The following LDLRAD4 variants were observed in gnomAD, a reference collection of about 807,000 sequenced individuals.
The protein encoded by LDLRAD4 is low density lipoprotein receptor class A domain containing 4.
In LDLRAD4, 5 loss-of-function variants were observed where a neutral mutation model predicts 17.0. That is an observed-to-expected ratio of 0.29 (90% CI 0.15 to 0.62). The LOEUF (loss-of-function observed/expected upper bound fraction) is 0.62, where lower values mean the gene tolerates loss of function less well. LDLRAD4 is among the 20% of genes least tolerant of loss of function. LDLRAD4 has a pLI of 0.84. For missense variants in LDLRAD4, 340 were observed against 424.7 expected, an observed-to-expected ratio of 0.80 and a Z score of 1.75; for synonymous variants, 168 against 171.8, an observed-to-expected ratio of 0.98 and a Z score of 0.17.
chr18:13,270,598 T>C (rs547511288), intron 1 of LDLRAD4, among the ~76,000 whole-genome samples: 1 of 152,304 alleles, frequency 6.6e-6, no homozygotes, highest in South Asian at 2.1e-4. Flanking sequence ...ATTTGCAAAG[T>C]TTATGCGTAG....
chr18:13,294,347 G>T (rs571876060), intron 1 of LDLRAD4, among the ~76,000 whole-genome samples: 1 of 152,316 alleles, frequency 6.6e-6, no homozygotes, highest in African/African-American at 2.4e-5. Context: ...GTGCGGAAGC[G>T]TTGACCAAGA....
At chr18:13,262,498 G>T (rs1302063362) in intron 1 of LDLRAD4, among the ~76,000 whole-genome samples, 2 of 131,380 alleles carry the variant, frequency 1.5e-5, no homozygotes, top group African/African-American at 6.2e-5. Context: ...CCCTGTGCGT[G>T]GAAACTGAGT....
intron 3 of LDLRAD4, among the ~76,000 whole-genome samples, chr18:13,578,800 A>G (rs1029973343): frequency 2.3e-4 from 31 of 135,826 alleles, no homozygotes; most frequent in African/African-American, 6.4e-4. Flanking sequence ...ATGAAAGTAC[A>G]GTGACCCATT....
intron 1 of LDLRAD4, among the ~76,000 whole-genome samples, chr18:13,319,359 A>C (rs1306510724): frequency 2.6e-5 from 4 of 151,588 alleles, no homozygotes; most frequent in African/African-American, 9.7e-5. Context: ...TGCGTGAGCC[A>C]GCTCGCTCCT....
intron 2 of LDLRAD4, among the ~76,000 whole-genome samples, chr18:13,389,348 G>A (rs1385951384): frequency 6.6e-6 from 1 of 150,714 alleles, no homozygotes; most frequent in East Asian, 2.0e-4. Flanking sequence ...CCAGTCAGGG[G>A]TGGGCAGCTC....
intron 2 of LDLRAD4, among the ~76,000 whole-genome samples, chr18:13,393,556 G>T (rs2086435701): frequency 6.6e-6 from 1 of 152,196 alleles, no homozygotes; most frequent in Admixed American, 6.5e-5. Context: ...GGCTGCTTCT[G>T]TTGAGCAAAT....
chr18:13,229,909 C>T (rs765267820), intron 1 of LDLRAD4, among the ~76,000 whole-genome samples: 2 of 152,236 alleles, frequency 1.3e-5, no homozygotes, highest in Non-Finnish European at 2.9e-5. Flanking sequence ...TCCTGGCTTC[C>T]TGAGGGCTCA....
intron 2 of LDLRAD4, among the ~76,000 whole-genome samples, chr18:13,404,177 G>A (rs2087495247): frequency 6.6e-6 from 1 of 152,232 alleles, no homozygotes; most frequent in African/African-American, 2.4e-5. Context: ...GCGCCCTGGA[G>A]GATGGAACCC....
At position 13,324,230 on chromosome 18, in the gene LDLRAD4, C is replaced by T. The variant is rs1466849397; in HGVS notation, c.-383+46042C>T. 1.3e-4 allele frequency among the ~76,000 whole-genome samples: 19 copies of T among 150,852 alleles called. No individual in the cohort carries two copies. In the South Asian group the frequency reaches 2.8e-3, roughly 22 times the overall value. ...TCGGCTCACTGCAAGCTCCGCCTCC[C>T]GGGTTCACACCATTCTCCTGCCTCA... On this transcript the variant is annotated intron_variant, in intron 1 of 5. Transcript: ENST00000359446.
chr18:13,270,231 C>T (rs890137182), intron 1 of LDLRAD4, among the ~76,000 whole-genome samples: 3 of 151,966 alleles, frequency 2.0e-5, no homozygotes, highest in African/African-American at 7.2e-5. Flanking sequence ...GGCCTGGTGG[C>T]GTGCCTACCT....
intron 3 of LDLRAD4, among the ~76,000 whole-genome samples, chr18:13,553,766 T>C (rs1402567412): frequency 1.3e-5 from 2 of 152,232 alleles, no homozygotes; most frequent in African/African-American, 4.8e-5. Context: ...TGGCACCCTA[T>C]GTTGTGCTGT....
At chr18:13,378,343 C>T (rs1455706946) in intron 1 of LDLRAD4, among the ~76,000 whole-genome samples, 4 of 152,132 alleles carry the variant, frequency 2.6e-5, no homozygotes, top group Non-Finnish European at 4.4e-5. Context: ...GGCATGGGAG[C>T]ACCCTACTTG....
chr18:13,484,836 A>G (rs2147001588), intron 3 of LDLRAD4, among the ~76,000 whole-genome samples: 1 of 152,298 alleles, frequency 6.6e-6, no homozygotes, highest in South Asian at 2.1e-4. Flanking sequence ...GGGTAGATTT[A>G]AATATCCCTG....
intron 1 of LDLRAD4, among the ~76,000 whole-genome samples, chr18:13,283,967 C>T (rs1297305288): frequency 6.6e-6 from 1 of 152,106 alleles, no homozygotes; most frequent in Non-Finnish European, 1.5e-5. Context: ...TATCAGATCT[C>T]GTGAGACTAA....
intron 4 of LDLRAD4, among the ~76,000 whole-genome samples, chr18:13,639,889 A>C (rs1040654598): frequency 2.0e-5 from 3 of 152,242 alleles, no homozygotes; most frequent in Non-Finnish European, 2.9e-5. Flanking sequence ...GAAAGTGCTT[A>C]TGTTATACTC....
intron 3 of LDLRAD4, among the ~76,000 whole-genome samples, chr18:13,567,987 C>T (rs2094629839): frequency 6.7e-6 from 1 of 149,682 alleles, no homozygotes; most frequent in Admixed American, 6.8e-5. Flanking sequence ...TATTGCCTCA[C>T]ATTAGAAACA....
At chr18:13,323,298 C>G (rs990722488) in intron 1 of LDLRAD4, among the ~76,000 whole-genome samples, 3 of 152,258 alleles carry the variant, frequency 2.0e-5, no homozygotes, top group African/African-American at 4.8e-5. Flanking sequence ...CTGCGCCTGG[C>G]TGCAGCATGT....
intron 1 of LDLRAD4, among the ~76,000 whole-genome samples, chr18:13,301,687 C>G (rs1395497876): frequency 1.3e-5 from 2 of 152,216 alleles, no homozygotes; most frequent in Non-Finnish European, 2.9e-5. Flanking sequence ...TTGTAAGTTT[C>G]TTGAAGCAAG....
At chr18:13,414,646 A>G (rs1463407457) in intron 2 of LDLRAD4, among the ~76,000 whole-genome samples, 1 of 152,232 alleles carries the variant, frequency 6.6e-6, no homozygotes, top group Non-Finnish European at 1.5e-5. Context: ...AAAAGGACTC[A>G]TTATCTCCTC....
Sources: gnomAD v4.1 joint callset for allele counts (sites outside exome capture counted in the v4.1 genomes callset) on GRCh38, gnomAD v4.1.1 for gene constraint, MANE v1.5 for transcripts, NCBI Gene and HGNC (gene_info 2026-07-23, HGNC 2026-07-21) for gene names.